KIAA0232: variants seen among roughly 807,000 people sequenced by gnomAD.
KIAA0232 encodes uncharacterized protein KIAA0232.
A neutral mutation model predicts 122.0 loss-of-function variants in KIAA0232; 27 were observed. The ratio of observed to expected loss-of-function variants is 0.22; its 90% CI spans 0.16 to 0.31. The LOEUF is 0.31. Among genes scored for constraint, KIAA0232 ranks in the 10% least tolerant of loss-of-function variants. The pLI, the probability that KIAA0232 is intolerant of heterozygous loss-of-function variation, is 1.00. For synonymous variants in KIAA0232, 613 were observed against 587.6 expected, an observed-to-expected ratio of 1.04 and a Z score of -0.63; for missense variants, 1,551 against 1,634.2, an observed-to-expected ratio of 0.95 and a Z score of 0.88.
At chr4:6,793,857 CAGAG>C (rs953504544) in intron 1 of KIAA0232, among the ~76,000 whole-genome samples, 34 of 152,160 alleles carry the variant, frequency 2.2e-4, no homozygotes, top group African/African-American at 7.7e-4. Context: ...AGCTACAACT[CAGAG>C]AGATTCCGAA....
chr4:6,873,192 A>G (rs1283713207), intron 8 of KIAA0232, among the ~76,000 whole-genome samples: 2 of 152,348 alleles, frequency 1.3e-5, no homozygotes, highest in East Asian at 1.9e-4. Context: ...CAGATGAGGA[A>G]GCTGAGTCTC....
At position 6,861,846 on chromosome 4, in the gene KIAA0232, A is replaced by G; in HGVS notation, c.1464A>G (p.Leu488=). The part of the protein sequence containing the change: ...NEDIDLTGTS[L]CSLPEDNKYL... ...ATATTGACCTCACTGGGACCTCATT[A>G]TGTTCTCTACCAGAGGACAATAAAT... Residue 488 remains leucine, a synonymous_variant, in exon 7 of 10, where the codon TTA becomes TTG. Coordinates refer to ENST00000307659, the MANE Select transcript of KIAA0232 (RefSeq NM_014743.3). 1 of 1,614,056 alleles carries G rather than the reference A, an allele frequency of 6.2e-7. No homozygotes were observed. Among genetic ancestry groups the G allele is most frequent in the Non-Finnish European group, 8.5e-7 (1 of 1,179,948 alleles).
Position 6,842,198 on chromosome 4 carries a change from T to G in KIAA0232, c.363T>G (p.Ser121=). Residue 121 remains serine (S), a synonymous_variant, in exon 4 of 10, where the codon TCT becomes TCG. Transcript: ENST00000307659. Reference sequence around the variant, plus strand: ...CTGTCCAGTGTCTTCGATCTGCTTCTGATGAAGTAAGTTTACATTTTGTTT... The same window carrying G: ...CTGTCCAGTGTCTTCGATCTGCTTCGGATGAAGTAAGTTTACATTTTGTTT... ...QAAVQCLRSA[S]DESSGIETLV... 1 of 1,596,210 alleles carries G rather than the reference T, an allele frequency of 6.3e-7. No individual in the cohort carries two copies. Among genetic ancestry groups the G allele is most frequent in the Admixed American group, 1.8e-5 (1 of 55,460 alleles).
At chr4:6,869,870 A>G (rs1459718982) in intron 7 of KIAA0232, among the ~76,000 whole-genome samples, 2 of 152,242 alleles carry the variant, frequency 1.3e-5, no homozygotes, top group Admixed American at 1.3e-4. Context: ...TTAGATTTTA[A>G]ACTTGAACAC....
In KIAA0232 at chr4:6,861,502, G is replaced by A. The variant is rs1350853282; in HGVS notation, c.1120G>A (p.Gly374Arg). ...GGGTAAGAGACCTTTAAAAGAAATA[G>A]GGAGAAAAGATCCTGGGAGCACTGA... ...KRGKRPLKEI[G>R]RKDPGSTEGK... is the part of the protein sequence containing the mutation. Residue 374 changes from glycine (G) to arginine (R), a missense_variant, in exon 7 of 10, where the codon GGG becomes AGG. Gly to Arg is a moderately radical substitution (Grantham distance 125, BLOSUM62 -2). Around this residue, in one of 5 missense-constraint regions of KIAA0232, gnomAD observed 377 missense variants for 381.7 expected, o/e 0.99. Transcript: ENST00000307659. 1.2e-6 allele frequency: 2 copies of A among 1,614,108 alleles called. No homozygotes were observed. The highest frequency in any genetic ancestry group is 1.7e-5 in the Admixed American group (1 of 60,016).
chr4:6,819,427 ACTAAAAAGTGG>A (rs1193007911), intron 2 of KIAA0232, among the ~76,000 whole-genome samples: 1 of 152,170 alleles, frequency 6.6e-6, no homozygotes, highest in Non-Finnish European at 1.5e-5. Context: ...AAAAGACCCC[ACTAAAAAGTGG>A]GCAAAAGACA....
At chr4:6,803,236 C>T (rs185016413) in intron 1 of KIAA0232, among the ~76,000 whole-genome samples, 5 of 150,482 alleles carry the variant, frequency 3.3e-5, no homozygotes, top group Admixed American at 3.3e-4. Context: ...TATGGACTTT[C>T]TCATATAAAT....
chr4:6,870,434 T>A (rs1270384212), intron 7 of KIAA0232, among the ~76,000 whole-genome samples: 1 of 152,254 alleles, frequency 6.6e-6, no homozygotes, highest in African/African-American at 2.4e-5. Flanking sequence ...AATTTGGTTT[T>A]AGCCTTAGTT....
intron 4 of KIAA0232, among the ~76,000 whole-genome samples, chr4:6,850,059 T>A (rs1042193402): frequency 2.0e-5 from 3 of 152,248 alleles, no homozygotes; most frequent in African/African-American, 7.2e-5. Context: ...CAGGAAGTTT[T>A]CTGATCTTTC....
chr4:6,797,119 C>T (rs1001009709), intron 1 of KIAA0232, among the ~76,000 whole-genome samples: 12 of 152,284 alleles, frequency 7.9e-5, no homozygotes, highest in Middle Eastern at 3.4e-3. Flanking sequence ...TATTTCATTT[C>T]CCAAAAAACA....
intron 3 of KIAA0232, among the ~76,000 whole-genome samples, chr4:6,837,320 G>A (rs1013038501): frequency 6.6e-5 from 10 of 151,834 alleles, no homozygotes; most frequent in Non-Finnish European, 1.3e-4. Context: ...ATGGGGTCGC[G>A]GCTGGGCAGA....
In KIAA0232 at chr4:6,847,699, G is replaced by A. The variant is rs533200150; in HGVS notation, c.369+5495G>A. ...CAGTTAGTAATGGGGTCTGTAAAGA[G>A]GAATGGTATTGTGAATCAGCCATAG... is the stretch of plus-strand genomic sequence containing the variant. On this transcript the variant is annotated intron_variant, in intron 4 of 9. Coordinates refer to ENST00000307659, the MANE Select transcript of KIAA0232 (RefSeq NM_014743.3). Among the ~76,000 whole-genome samples the A allele has an allele frequency of 2.2e-4, 34 of 152,258 alleles. No individual in the cohort carries two copies. The South Asian group carries it at 5.6e-3, about 25-fold the overall frequency.
chr4:6,870,407 A>G (rs1053004400), intron 7 of KIAA0232, among the ~76,000 whole-genome samples: 1 of 152,194 alleles, frequency 6.6e-6, no homozygotes, highest in Non-Finnish European at 1.5e-5. Context: ...AATTTGAATC[A>G]TGGAATTTGA....
At chr4:6,808,186 A>T (rs745841238) in intron 2 of KIAA0232, among the ~76,000 whole-genome samples, 1 of 152,154 alleles carries the variant, frequency 6.6e-6, no homozygotes, top group Admixed American at 6.5e-5. Flanking sequence ...GTGAAAAGTA[A>T]TAGAGTCCAA....
intron 4 of KIAA0232, among the ~76,000 whole-genome samples, chr4:6,849,046 G>C (rs1720128341): frequency 6.6e-6 from 1 of 152,206 alleles, no homozygotes; most frequent in Non-Finnish European, 1.5e-5. Context: ...AGGGTTTGGA[G>C]AGGAGTAGTG....
At chr4:6,784,470 A>C (rs1390287064) in intron 1 of KIAA0232, among the ~76,000 whole-genome samples, 1 of 152,160 alleles carries the variant, frequency 6.6e-6, no homozygotes, top group Non-Finnish European at 1.5e-5. Context: ...ATCACTCTGC[A>C]TCCTCAAGGT....
intron 2 of KIAA0232, among the ~76,000 whole-genome samples, chr4:6,807,561 C>CT (rs2108956385): frequency 6.6e-6 from 1 of 152,268 alleles, no homozygotes; most frequent in South Asian, 2.1e-4. Flanking sequence ...AACTGTAGGT[C>CT]TGATTGTCCA....
chr4:6,852,515 C>A (rs1169074966), intron 4 of KIAA0232, among the ~76,000 whole-genome samples: 1 of 152,074 alleles, frequency 6.6e-6, no homozygotes, highest in African/African-American at 2.4e-5. Context: ...GGTTTCCTAC[C>A]ACTAATCTTC....
intron 3 of KIAA0232, among the ~76,000 whole-genome samples, chr4:6,837,026 C>T (rs564379679): frequency 5.9e-5 from 9 of 152,354 alleles, no homozygotes; most frequent in Non-Finnish European, 1.3e-4. Context: ...AAACCGCCAT[C>T]GTCATCATGG....
Sources: allele counts gnomAD v4.1 joint callset (sites outside exome capture counted in the v4.1 genomes callset), GRCh38; gene constraint gnomAD v4.1.1; regional missense constraint gnomAD v4.1.1; transcripts MANE v1.5; gene names NCBI Gene and HGNC (gene_info 2026-07-23, HGNC 2026-07-21).